Variants in MGAM observed in about 807,000 individuals in gnomAD.
MGAM encodes the protein alpha-1,4-glucosidase.
A neutral mutation model predicts 358.8 loss-of-function variants in MGAM; 253 were observed. The ratio of observed to expected loss-of-function variants is 0.71; its 90% CI spans 0.64 to 0.78. The LOEUF (loss-of-function observed/expected upper bound fraction) is 0.78. Ranked by LOEUF, MGAM falls within the 30% of genes least tolerant of loss-of-function variation. The pLI is 0.00. For missense variants in MGAM, 3,080 were observed against 3,432.6 expected (o/e 0.90, Z 2.57); for synonymous variants, 1,105 against 1,227.1 (o/e 0.90, Z 2.08).
chr7:142,021,806 G>T, intron 6 of MGAM, 69 bp downstream of exon 6: 3 of 1,514,270 alleles, frequency 2.0e-6, no homozygotes, highest in Non-Finnish European at 2.7e-6. Context: ...GCATGAAGAA[G>T]GGGGTGTTTC....
In MGAM at chr7:142,052,981, C is replaced by G. The variant is rs1340327741; in HGVS notation, c.3156C>G (p.Phe1052Leu). Reference protein sequence around the residue: ...VTYHKNEMLQFKIYDPNKNRY... With the variant: ...VTYHKNEMLQLKIYDPNKNRY... ...ACCATAAGAATGAAATGCTGCAGTT[C>G]AAGGTAAACACAGTACATGTATCAG... Residue 1052 changes from phenylalanine to leucine, a missense_variant, in exon 26 of 71, where the codon TTC (phenylalanine) becomes TTG (leucine). By Grantham distance (22) the Phe-to-Leu change is conservative. Around this residue, in one of 5 missense-constraint regions of MGAM, gnomAD observed 1,816 missense variants for 1,840.5 expected, o/e 0.99. Coordinates refer to ENST00000475668, the MANE Select transcript of MGAM (RefSeq NM_001365693.1). The G allele has an allele frequency of 5.0e-6, 8 of 1,613,614 alleles. No individual in the cohort carries two copies. Among genetic ancestry groups the G allele is most frequent in the South Asian group, 1.1e-5 (1 of 91,068 alleles).
Position 142,019,193 on chromosome 7 carries a change from T to C in MGAM, c.328-6T>C. ...TGGAGCTTCTTTGACTAACCTCTTG[T>C]TTCAGGCCACATGTGACCAACGTGG... On this transcript the variant is annotated splice_region_variant and splice_polypyrimidine_tract_variant and intron_variant, in intron 3 of 70. Transcript: ENST00000475668. The C allele has an allele frequency of 1.2e-6, 2 of 1,612,228 alleles. No homozygotes were observed. Among genetic ancestry groups the C allele is most frequent in the Non-Finnish European group, 1.7e-6 (2 of 1,179,094 alleles).
chr7:141,997,325 G>T (rs1804329551), intron 1 of MGAM, among the ~76,000 whole-genome samples: 1 of 151,996 alleles, frequency 6.6e-6, no homozygotes, highest in Non-Finnish European at 1.5e-5. Flanking sequence ...GATGGAGGGG[G>T]TCTTTGGTTT....
intron 40 of MGAM, 127 bp downstream of exon 40, chr7:142,065,958 G>GTTTTTTTTTTT (rs1477940566): frequency 1.3e-6 from 1 of 742,240 alleles, no homozygotes; most frequent in African/African-American, 2.2e-5. Flanking sequence ...TTTTTGTTTT[G>GTTTTTTTTTTT]TTTTGTTTTG....
In MGAM at chr7:142,006,740, G is replaced by A. The variant is rs546198449; in HGVS notation, c.127+1083G>A. Among the ~76,000 whole-genome samples the A allele has an allele frequency of 2.6e-5, 4 of 152,264 alleles. No individual in the cohort carries two copies. The South Asian group carries it at 6.2e-4, about 24-fold the overall frequency. On this transcript the variant is annotated intron_variant, in intron 2 of 70. Transcript: ENST00000475668. ...TGTGGGTGCAACAATTTTGGTACCC[G>A]TAGAGCAGAAAGTGTGCTCAACTTT...
rs142123491 is a variant in MGAM at position 142,036,848 on chromosome 7, C to T, written c.2102C>T (p.Ala701Val). Reference sequence around the variant, plus strand: ...GACCAGGATCCTGCCTCCTTTGGAGCTGACTCCCTGCTGTTGAATTCCTCC... The same window carrying T: ...GACCAGGATCCTGCCTCCTTTGGAGTTGACTCCCTGCTGTTGAATTCCTCC... ...YKDQDPASFG[A>V]DSLLLNSSRH... Residue 701 changes from alanine (A) to valine (V), a missense_variant, in exon 18 of 71, where the codon GCT (alanine) becomes GTT (valine). This residue lies in a region of MGAM where 1,816 missense variants were observed against 1,840.5 expected (regional missense o/e 0.99). Transcript: ENST00000475668. 3.0e-5 allele frequency: 48 copies of T among 1,613,560 alleles called. No homozygotes were observed. Among genetic ancestry groups the T allele is most frequent in the Non-Finnish European group, 4.1e-5 (48 of 1,179,578 alleles).
At position 142,019,716 on chromosome 7, in the gene MGAM, T is replaced by TA. The variant is rs144164633; in HGVS notation, c.448+398dup. On this transcript the variant is annotated intron_variant, in intron 4 of 70. Coordinates refer to ENST00000475668, the MANE Select transcript of MGAM (RefSeq NM_001365693.1). ...AATTTTATAAACATGTTATGAAAGT[T>TA]ACTAGTCAATATAAGTGTTCATGGA... Among the ~76,000 whole-genome samples the TA allele has an allele frequency of 4.8e-3, 726 of 152,320 alleles. 3 individuals are homozygous for TA. Among genetic ancestry groups the TA allele is most frequent in the African/African-American group, 1.0e-2 (415 of 41,576 alleles).
Position 142,036,241 on chromosome 7 carries a change from G to A in MGAM, c.2032G>A (p.Ala678Thr). The change falls in exon 17 of 71, where the codon GCA (alanine) becomes ACA (threonine). Residue 678 changes from alanine (A) to threonine (T), a missense_variant. This residue lies in a region of MGAM where 1,816 missense variants were observed against 1,840.5 expected (regional missense o/e 0.99). Coordinates refer to ENST00000475668, the MANE Select transcript of MGAM (RefSeq NM_001365693.1). ...CTGTAGGCGGTGGATGCAGTTGGGT[G>A]CATTTTATCCGTTTTCTAGAAATCA... ...ELCRRWMQLG[A>T]FYPFSRNHNG... 1 of 1,611,606 alleles carries A rather than the reference G, an allele frequency of 6.2e-7. No individual in the cohort carries two copies.
At chr7:142,058,464 C>T (rs887960970) in intron 31 of MGAM, 136 bp downstream of exon 31, 32 of 1,450,904 alleles carry the variant, frequency 2.2e-5, no homozygotes, top group Non-Finnish European at 2.9e-5. Context: ...TTAGCCTCAC[C>T]CCAGCACAGT....
In MGAM at chr7:142,094,104, G is replaced by A. The variant is rs1231689322; in HGVS notation, c.7173-260G>A. ...TAAGTTTTGGGGAAACCAATAGCAA[G>A]ATTTAGTAATTCCTTACTATTTTTG... is the stretch of plus-strand genomic sequence containing the variant. On this transcript the variant is annotated intron_variant, in intron 60 of 70. Coordinates refer to ENST00000475668, the MANE Select transcript of MGAM (RefSeq NM_001365693.1). Among the ~76,000 whole-genome samples, 5 of 146,156 alleles carry A rather than the reference G, an allele frequency of 3.4e-5. 1 individual carries two copies. The highest frequency in any genetic ancestry group is 7.7e-5 in the Non-Finnish European group (5 of 64,544).
At chr7:142,089,201 A>G (rs890167957) in intron 57 of MGAM, among the ~76,000 whole-genome samples, 5 of 145,768 alleles carry the variant, frequency 3.4e-5, no homozygotes, top group African/African-American at 9.8e-5. Flanking sequence ...CAGTATCAGA[A>G]CCCCACAGTT....
chr7:142,052,775 A>G lies in MGAM; in HGVS notation c.2959-9A>G, dbSNP rs201551696. On this transcript the variant is annotated splice_polypyrimidine_tract_variant and intron_variant, in intron 25 of 70. Coordinates refer to ENST00000475668, the MANE Select transcript of MGAM (RefSeq NM_001365693.1). ...TGTGCTGATCTATGACTTTGGCCTTACTTTTCAGGCATCCAATTCTTCTGG... is the reference window on the plus strand; with the variant it reads ...TGTGCTGATCTATGACTTTGGCCTTGCTTTTCAGGCATCCAATTCTTCTGG... 47 of 1,613,640 alleles carry G rather than the reference A, an allele frequency of 2.9e-5. No homozygotes were observed. In the East Asian group the frequency reaches 1.0e-3, roughly 34 times the overall value.
chr7:142,021,924 C>G (rs1232725039), intron 6 of MGAM, among the ~76,000 whole-genome samples, 187 bp downstream of exon 6: 1 of 152,128 alleles, frequency 6.6e-6, no homozygotes, highest in East Asian at 1.9e-4. Flanking sequence ...TTTGCACAAT[C>G]ATTTTTTTCT....
intron 21 of MGAM, among the ~76,000 whole-genome samples, chr7:142,045,206 A>C: frequency 1.7e-5 from 1 of 57,226 alleles, no homozygotes; most frequent in African/African-American, 6.8e-5. Context: ...TATATATTAT[A>C]TAACATATAT....
Position 142,082,396 on chromosome 7 carries a change from G to A in MGAM, c.6172-79G>A. The A allele has an allele frequency of 3.8e-6, 5 of 1,305,854 alleles. 1 individual carries two copies. The highest frequency in any genetic ancestry group is 2.0e-5 in the Admixed American group (1 of 48,988). The allele number at this position is 1,305,854 out of a possible 1,614,324, so 80.9% of individuals were successfully genotyped here. A position where few individuals can be genotyped will look rare whatever the true frequency, so the allele number is the denominator to read the frequency against. On this transcript the variant is annotated intron_variant, in intron 51 of 70. Coordinates refer to ENST00000475668, the MANE Select transcript of MGAM (RefSeq NM_001365693.1). ...CATGGAGAAAACTAGACCCATCTTA[G>A]CAAGCATATTTTTGTTGAGTTTCTT...
rs1191857312 is a variant in MGAM, at chr7:142,041,335, C to T, written c.2498+489C>T. Among the ~76,000 whole-genome samples, 5 of 152,028 alleles carry T rather than the reference C, an allele frequency of 3.3e-5. No individual in the cohort carries two copies. The South Asian group carries it at 1.0e-3, about 32-fold the overall frequency. On this transcript the variant is annotated intron_variant, in intron 21 of 70. Transcript: ENST00000475668. Reference sequence around the variant, plus strand: ...ATTAGCCTACTTGTCTTTAATAGACCAGGAGCTCTTTGGAAGCCAGAAACC... The same window carrying T: ...ATTAGCCTACTTGTCTTTAATAGACTAGGAGCTCTTTGGAAGCCAGAAACC...
chr7:142,087,541 G>A (rs1229392376), intron 57 of MGAM, among the ~76,000 whole-genome samples: 3 of 146,038 alleles, frequency 2.1e-5, no homozygotes, highest in African/African-American at 7.3e-5. Flanking sequence ...AGGGCTTCCT[G>A]GAGACCAAGT....
At chr7:141,986,694 A>G (rs1417044305) in intron 2 of MGAM, among the ~76,000 whole-genome samples, 1 of 152,208 alleles carries the variant, frequency 6.6e-6, no homozygotes, top group African/African-American at 2.4e-5. Flanking sequence ...AATTGTGTAC[A>G]TTTGCATACT....
rs1194279154 is a variant in MGAM at position 142,031,764 on chromosome 7, A to C, written c.1555A>C (p.Asn519His). 6.2e-7 allele frequency: 1 copy of C among 1,610,972 alleles called. No homozygotes were observed. The highest frequency in any genetic ancestry group is 8.5e-7 in the Non-Finnish European group (1 of 1,177,268). ...GACAAAGGAATTTGAGCTTTTTCACAATCAAGTAGAGTTTGATGGAATCTG... is the reference window on the plus strand; with the variant it reads ...GACAAAGGAATTTGAGCTTTTTCACCATCAAGTAGAGTTTGATGGAATCTG... ...WWTKEFELFH[N>H]QVEFDGIWID... is the part of the protein sequence containing the mutation. Residue 519 changes from asparagine to histidine, a missense_variant, in exon 13 of 71, where the codon AAT becomes CAT. Coordinates refer to ENST00000475668, the MANE Select transcript of MGAM (RefSeq NM_001365693.1).
Sources: allele counts gnomAD v4.1 joint callset (sites outside exome capture counted in the v4.1 genomes callset), GRCh38; gene constraint gnomAD v4.1.1; regional missense constraint gnomAD v4.1.1; transcripts MANE v1.5; gene names NCBI Gene and HGNC (gene_info 2026-07-23, HGNC 2026-07-21).